KIAA1671: variants seen among roughly 807,000 people sequenced by gnomAD.
The protein encoded by KIAA1671 is uncharacterized protein KIAA1671.
In KIAA1671, 52 loss-of-function variants were observed where a neutral mutation model predicts 131.2. The observed-to-expected ratio is 0.40, with a 90% confidence interval of 0.32 to 0.50. The LOEUF is 0.50. Ranked by LOEUF, KIAA1671 falls within the 20% of genes least tolerant of loss-of-function variation. KIAA1671 has a pLI of 0.73. For synonymous variants in KIAA1671, 1,003 were observed against 961.6 expected (o/e 1.04, Z -0.80); for missense variants, 2,360 against 2,364.2 (o/e 1.00, Z 0.04).
At chr22:24,991,791 A>T (rs1161765306) in intron 1 of KIAA1671, among the ~76,000 whole-genome samples, 3 of 152,040 alleles carry the variant, frequency 2.0e-5, no homozygotes, top group African/African-American at 7.2e-5. Context: ...TGGGGAGAAT[A>T]ATAATCCCCA....
At chr22:25,021,174 C>T (rs1925645474) in intron 1 of KIAA1671, among the ~76,000 whole-genome samples, 1 of 152,124 alleles carries the variant, frequency 6.6e-6, no homozygotes, top group African/African-American at 2.4e-5. Context: ...AGACAATCCT[C>T]AGCCTCCTGA....
At chr22:25,074,464 C>A (rs1208155743) in intron 6 of KIAA1671, among the ~76,000 whole-genome samples, 2 of 137,516 alleles carry the variant, frequency 1.5e-5, no homozygotes, top group African/African-American at 2.8e-5. Flanking sequence ...AAGATCACAC[C>A]TCTGCACTCC....
At chr22:24,965,259 A>G (rs1018910325) in intron 1 of KIAA1671, among the ~76,000 whole-genome samples, 14 of 151,920 alleles carry the variant, frequency 9.2e-5, no homozygotes, top group African/African-American at 3.4e-4. Context: ...TACTAAAAAT[A>G]CAAAAATTAG....
intron 1 of KIAA1671, among the ~76,000 whole-genome samples, chr22:24,970,356 T>C (rs1364159546): frequency 1.3e-5 from 2 of 152,088 alleles, no homozygotes; most frequent in Non-Finnish European, 1.5e-5. Context: ...GGGGGAGCCA[T>C]AGGGCAGGGC....
chr22:25,061,608 G>A (rs1375893807), intron 6 of KIAA1671: 1 of 152,240 alleles, frequency 6.6e-6, no homozygotes, highest in East Asian at 1.9e-4. Flanking sequence ...TATCATGATT[G>A]TTGTTGTTAT....
At chr22:25,168,536 C>G (rs1933726502) in intron 6 of KIAA1671, among the ~76,000 whole-genome samples, 1 of 152,024 alleles carries the variant, frequency 6.6e-6, no homozygotes, top group Non-Finnish European at 1.5e-5. Flanking sequence ...ACTAAAAATA[C>G]AAACAAATTA....
intron 6 of KIAA1671, among the ~76,000 whole-genome samples, chr22:25,106,393 C>T (rs1408775606): frequency 6.6e-6 from 1 of 152,182 alleles, no homozygotes; most frequent in African/African-American, 2.4e-5. Flanking sequence ...CTGAGCCTTT[C>T]GTAACCAGCA....
intron 1 of KIAA1671, among the ~76,000 whole-genome samples, chr22:24,989,264 T>C (rs1923710647): frequency 6.6e-6 from 1 of 152,174 alleles, no homozygotes; most frequent in Non-Finnish European, 1.5e-5. Flanking sequence ...AGGAGTATCC[T>C]GCCCCAGCTC....
chr22:25,176,706 G>T (rs575206828), intron 8 of KIAA1671: 21 of 152,294 alleles, frequency 1.4e-4, no homozygotes, highest in African/African-American at 4.6e-4. Flanking sequence ...TCCTTACTGG[G>T]GCCCACCCAG....
At chr22:25,141,627 A>G (rs1030728268) in intron 6 of KIAA1671, among the ~76,000 whole-genome samples, 2 of 152,166 alleles carry the variant, frequency 1.3e-5, no homozygotes, top group African/African-American at 4.8e-5. Context: ...TTCTGTAATC[A>G]GGGGAAAAAA....
chr22:25,008,599 G>C (rs540028337), intron 1 of KIAA1671, among the ~76,000 whole-genome samples: 5 of 152,340 alleles, frequency 3.3e-5, no homozygotes, highest in Admixed American at 1.3e-4. Context: ...ACATGGGCCA[G>C]TTGCCAAACC....
At chr22:25,032,251 G>C (rs1267421765) in intron 3 of KIAA1671, among the ~76,000 whole-genome samples, 1 of 152,230 alleles carries the variant, frequency 6.6e-6, no homozygotes, top group African/African-American at 2.4e-5. Context: ...GTAGCTATTA[G>C]GGCCTTGAGT....
chr22:25,125,972 A>G (rs1297613074), intron 6 of KIAA1671, among the ~76,000 whole-genome samples: 1 of 152,212 alleles, frequency 6.6e-6, no homozygotes, highest in Non-Finnish European at 1.5e-5. Flanking sequence ...TTCTTTTGCT[A>G]CAAAGTGGCG....
intron 1 of KIAA1671, among the ~76,000 whole-genome samples, chr22:24,976,842 G>A (rs1033052046): frequency 3.8e-4 from 58 of 151,760 alleles, no homozygotes; most frequent in African/African-American, 1.2e-3. Flanking sequence ...CTGGCTTCCC[G>A]GGGACCTGCC....
chr22:25,069,744 A>G (rs1444079724), intron 6 of KIAA1671, among the ~76,000 whole-genome samples: 2 of 152,152 alleles, frequency 1.3e-5, no homozygotes, highest in African/African-American at 2.4e-5. Context: ...CGGTAAACCA[A>G]TGGGATCCTG....
At chr22:25,181,383 C>T (rs1934269799) in intron 9 of KIAA1671, among the ~76,000 whole-genome samples, 1 of 147,554 alleles carries the variant, frequency 6.8e-6, no homozygotes, top group Non-Finnish European at 1.5e-5. Context: ...TACTTTCCTG[C>T]CTCTGCCAAA....
At chr22:25,032,936 G>A (rs1056874185) in intron 4 of KIAA1671, among the ~76,000 whole-genome samples, 35 of 151,984 alleles carry the variant, frequency 2.3e-4, no homozygotes, top group African/African-American at 7.7e-4. Flanking sequence ...TTTTTTCTTC[G>A]CAAAGAGGCA....
At position 25,029,517 on chromosome 22, in the gene KIAA1671, G is replaced by C. The variant is rs890428987; in HGVS notation, c.1518G>C (p.Pro506=). 27 of 1,544,814 alleles carry C rather than the reference G, an allele frequency of 1.7e-5. No homozygotes were observed. In the Admixed American group the frequency reaches 4.0e-4, roughly 23 times the overall value. ...GGAGGAGGACGTTCCAGGCTCGGCCGCTGTCGGCGGATTTGACCAAATTGT... is the reference window on the plus strand; with the variant it reads ...GGAGGAGGACGTTCCAGGCTCGGCCCCTGTCGGCGGATTTGACCAAATTGT... ...EVRRRTFQAR[P]LSADLTKLFS... Residue 506 remains proline, a synonymous_variant, in exon 3 of 13, where the codon CCG becomes CCC. Transcript: ENST00000358431.
chr22:25,136,582 G>T (rs1281367049), intron 6 of KIAA1671, among the ~76,000 whole-genome samples: 1 of 152,198 alleles, frequency 6.6e-6, no homozygotes, highest in Admixed American at 6.5e-5. Flanking sequence ...AGAAAATCCT[G>T]CCCGTTTTTG....
Sources: allele counts gnomAD v4.1 joint callset (sites outside exome capture counted in the v4.1 genomes callset), GRCh38; gene constraint gnomAD v4.1.1; transcripts MANE v1.5; gene names NCBI Gene and HGNC (gene_info 2026-07-23, HGNC 2026-07-21).